Variants in SUGCT observed in about 807,000 individuals in gnomAD.
The protein encoded by SUGCT is succinyl-CoA:glutarate CoA-transferase.
A neutral mutation model predicts 55.0 loss-of-function variants in SUGCT; 41 were observed. The observed-to-expected ratio is 0.74, with a 90% confidence interval of 0.58 to 0.97. The LOEUF is 0.97. Among genes scored for constraint, SUGCT ranks in the 50% least tolerant of loss-of-function variants. The pLI, the probability that SUGCT is intolerant of heterozygous loss-of-function variation, is 0.00. For synonymous variants in SUGCT, 187 were observed against 200.4 expected (o/e 0.93, Z 0.56); for missense variants, 568 against 547.8 (o/e 1.04, Z -0.37).
At chr7:40,500,581 T>A (rs970931118) in intron 12 of SUGCT, among the ~76,000 whole-genome samples, 4 of 152,136 alleles carry the variant, frequency 2.6e-5, no homozygotes, top group Non-Finnish European at 5.9e-5. Flanking sequence ...CTTTAGCAAA[T>A]CTTTTGTATG....
chr7:40,326,428 C>G (rs1443451833), intron 9 of SUGCT, among the ~76,000 whole-genome samples: 1 of 152,100 alleles, frequency 6.6e-6, no homozygotes, highest in Non-Finnish European at 1.5e-5. Context: ...GAAATAGTCT[C>G]TATGAAAACT....
intron 13 of SUGCT, among the ~76,000 whole-genome samples, chr7:40,773,001 G>T (rs1789257842): frequency 6.6e-6 from 1 of 152,080 alleles, no homozygotes; most frequent in Admixed American, 6.5e-5. Context: ...AACTAATGTA[G>T]ATTGAATAAA....
At chr7:40,990,460 A>G in the SUGCT span, among the ~76,000 whole-genome samples, 5 of 152,366 alleles carry the variant, frequency 3.3e-5, no homozygotes, top group South Asian at 1.0e-3. Flanking sequence ...TATAGAGTAC[A>G]GGCAGAGTAT....
chr7:40,491,675 A>G (rs546529907), intron 11 of SUGCT, among the ~76,000 whole-genome samples: 1 of 152,214 alleles, frequency 6.6e-6, no homozygotes, highest in South Asian at 2.1e-4. Context: ...AAAAAGCACA[A>G]ATATCCAAAG....
the SUGCT span, among the ~76,000 whole-genome samples, chr7:40,962,557 A>C: frequency 3.0e-5 from 4 of 135,330 alleles, no homozygotes. Flanking sequence ...AATTCCTTCA[A>C]AGGTAAATCA....
chr7:40,523,422 T>C (rs1793655553), intron 12 of SUGCT, among the ~76,000 whole-genome samples: 1 of 152,116 alleles, frequency 6.6e-6, no homozygotes, highest in African/African-American at 2.4e-5. Flanking sequence ...GAAAAGACTA[T>C]GATGTCAAAG....
At chr7:40,715,546 C>T (rs527517624) in intron 12 of SUGCT, among the ~76,000 whole-genome samples, 2 of 152,034 alleles carry the variant, frequency 1.3e-5, no homozygotes, top group South Asian at 2.1e-4. Context: ...ACCTTTGCCC[C>T]CCCTCATGTG....
chr7:40,363,186 A>C (rs62453370), intron 9 of SUGCT, among the ~76,000 whole-genome samples: 8 of 147,900 alleles, frequency 5.4e-5, no homozygotes, highest in Admixed American at 2.7e-4. Flanking sequence ...TATTGCATCT[A>C]TTTGATTCTT....
intron 12 of SUGCT, among the ~76,000 whole-genome samples, chr7:40,652,443 A>G (rs1800821680): frequency 1.3e-5 from 2 of 152,192 alleles, no homozygotes; most frequent in African/African-American, 2.4e-5. Flanking sequence ...GTCTATCTCC[A>G]TCTTCAAAGC....
intron 12 of SUGCT, among the ~76,000 whole-genome samples, chr7:40,669,727 A>G (rs966053049): frequency 1.3e-5 from 2 of 152,012 alleles, no homozygotes; most frequent in South Asian, 2.1e-4. Context: ...ACTTGAAGAT[A>G]GAACAAAATA....
At chr7:40,637,879 G>A (rs964099900) in intron 12 of SUGCT, among the ~76,000 whole-genome samples, 1 of 152,234 alleles carries the variant, frequency 6.6e-6, no homozygotes, top group African/African-American at 2.4e-5. Context: ...AGCCAATGTG[G>A]AAGGAAAGCT....
At chr7:40,954,440 G>C in the SUGCT span, among the ~76,000 whole-genome samples, 1 of 152,300 alleles carries the variant, frequency 6.6e-6, no homozygotes, top group Non-Finnish European at 1.5e-5. Flanking sequence ...CTCATGCTCA[G>C]TGTGCTGCAC....
chr7:40,199,785 G>T (rs1786489208), intron 6 of SUGCT, among the ~76,000 whole-genome samples: 1 of 136,342 alleles, frequency 7.3e-6, no homozygotes, highest in African/African-American at 2.5e-5. Flanking sequence ...GTCATTTAAT[G>T]AAGTTTCTTT....
intron 12 of SUGCT, among the ~76,000 whole-genome samples, chr7:40,735,564 A>G (rs1245134455): frequency 6.6e-6 from 1 of 152,114 alleles, no homozygotes; most frequent in East Asian, 1.9e-4. Context: ...TTAGAACCTG[A>G]ACTTTATGGG....
chr7:41,016,414 C>T, the SUGCT span, among the ~76,000 whole-genome samples: 4 of 152,030 alleles, frequency 2.6e-5, no homozygotes, highest in African/African-American at 7.2e-5. Flanking sequence ...AGGGACTTGC[C>T]AAGCCAGAAC....
At chr7:40,688,593 G>A (rs1784561859) in intron 12 of SUGCT, among the ~76,000 whole-genome samples, 1 of 151,960 alleles carries the variant, frequency 6.6e-6, no homozygotes, top group African/African-American at 2.4e-5. Flanking sequence ...TCTAGCACAT[G>A]TTGGTCACTG....
intron 11 of SUGCT, among the ~76,000 whole-genome samples, chr7:40,478,176 A>T (rs912901463): frequency 1.3e-5 from 2 of 151,830 alleles, no homozygotes; most frequent in Non-Finnish European, 2.9e-5. Flanking sequence ...TAATTTTTTA[A>T]ATTTTTTTTT....
intron 11 of SUGCT, among the ~76,000 whole-genome samples, chr7:40,478,027 G>C (rs1790801616): frequency 6.6e-6 from 1 of 152,038 alleles, no homozygotes. Context: ...GGTTCTTGCT[G>C]TGTTGCCCAG....
intron 13 of SUGCT, among the ~76,000 whole-genome samples, chr7:40,842,930 T>C (rs1038447685): frequency 1.8e-4 from 28 of 152,204 alleles, no homozygotes; most frequent in African/African-American, 6.3e-4. Flanking sequence ...TGCCTCACCT[T>C]GCTTTTAGAT....
Sources: gnomAD v4.1 joint callset for allele counts (sites outside exome capture counted in the v4.1 genomes callset) on GRCh38, gnomAD v4.1.1 for gene constraint, MANE v1.5 for transcripts, NCBI Gene and HGNC (gene_info 2026-07-23, HGNC 2026-07-21) for gene names.